The following GALK2 variants were observed in gnomAD, a reference collection of about 807,000 sequenced individuals.
GALK2 encodes galactokinase 2.
Under a neutral mutation model 52.4 loss-of-function variants are expected in GALK2, and 36 were observed. The ratio of observed to expected loss-of-function variants is 0.69; its 90% confidence interval spans 0.53 to 0.91. The LOEUF (loss-of-function observed/expected upper bound fraction) is 0.91. Ranked by LOEUF, GALK2 falls within the 40% of genes least tolerant of loss-of-function variation. The probability of loss-of-function intolerance (pLI) is 0.00; values close to 1 mark genes in which losing one functional copy is unlikely to be tolerated. For missense variants in GALK2, 579 were observed against 559.1 expected, an observed-to-expected ratio of 1.04 and a Z score of -0.36; for synonymous variants, 176 against 199.1, an observed-to-expected ratio of 0.88 and a Z score of 0.98.
At chr15:49,313,520 C>T (rs1051612108) in intron 8 of GALK2, among the ~76,000 whole-genome samples, 1 of 152,204 alleles carries the variant, frequency 6.6e-6, no homozygotes, top group Non-Finnish European at 1.5e-5. Context: ...ACTGGTCCTT[C>T]CCCAGCAAGC....
At chr15:49,273,126 C>T (rs2141700907) in intron 5 of GALK2, among the ~76,000 whole-genome samples, 1 of 152,268 alleles carries the variant, frequency 6.6e-6, no homozygotes, top group East Asian at 1.9e-4. Context: ...GCCCATTGAG[C>T]TTTTATAGGA....
chr15:49,338,626 G>C (rs1298379965), intron 3 of GALK2, among the ~76,000 whole-genome samples: 1 of 152,146 alleles, frequency 6.6e-6, no homozygotes, highest in Non-Finnish European at 1.5e-5. Context: ...TTTTTGAGGA[G>C]TATCTTTGTG....
At chr15:49,252,338 T>C (rs2091644643) in intron 5 of GALK2, among the ~76,000 whole-genome samples, 3 of 152,046 alleles carry the variant, frequency 2.0e-5, no homozygotes, top group Admixed American at 2.0e-4. Flanking sequence ...CTTAAAACCA[T>C]AAATTGGGAA....
intron 3 of GALK2, among the ~76,000 whole-genome samples, chr15:49,345,259 T>C (rs191324495): frequency 8.5e-5 from 13 of 152,342 alleles, no homozygotes; most frequent in African/African-American, 2.6e-4. Flanking sequence ...TTTGAACATA[T>C]GACTTTATTG....
chr15:49,272,841 C>T (rs772167382), intron 5 of GALK2, among the ~76,000 whole-genome samples: 3 of 152,164 alleles, frequency 2.0e-5, no homozygotes, highest in Non-Finnish European at 4.4e-5. Flanking sequence ...TTGCTCCAGC[C>T]TGATTGTTGA....
chr15:49,252,411 T>C (rs2091648959), intron 5 of GALK2, among the ~76,000 whole-genome samples: 1 of 152,230 alleles, frequency 6.6e-6, no homozygotes, highest in Non-Finnish European at 1.5e-5. Context: ...TGTTTTCTAA[T>C]ATACGGTCAT....
chr15:49,210,025 G>A lies in GALK2; in HGVS notation c.143-7165G>A, dbSNP rs533201250. 5.9e-5 allele frequency among the ~76,000 whole-genome samples: 9 copies of A among 152,212 alleles called. No individual in the cohort carries two copies. The South Asian group carries it at 6.2e-4, about 11-fold the overall frequency. On this transcript the variant is annotated intron_variant, in intron 2 of 9. Coordinates refer to ENST00000560031, the MANE Select transcript of GALK2 (RefSeq NM_002044.4). Reference sequence around the variant, plus strand: ...CAATCTTGTTACTTGTTATTGGTGCGTTCAGGTTTTCTATTTCTACCTGGT... The same window carrying A: ...CAATCTTGTTACTTGTTATTGGTGCATTCAGGTTTTCTATTTCTACCTGGT...
intron 5 of GALK2, among the ~76,000 whole-genome samples, chr15:49,266,505 T>G (rs1261150213): frequency 6.6e-6 from 1 of 152,224 alleles, no homozygotes; most frequent in Non-Finnish European, 1.5e-5. Context: ...CTGTTTTGCT[T>G]GTCTGTTTCA....
At chr15:49,258,790 ATATATGTGTGTGTGTG>A (rs1167662468) in intron 5 of GALK2, among the ~76,000 whole-genome samples, 7 of 115,474 alleles carry the variant, frequency 6.1e-5, no homozygotes, top group African/African-American at 1.5e-4. Flanking sequence ...ATATATATAT[ATATATGTGTGTGTGTG>A]TGTGTGTGTG....
downstream of GALK2, chr15:49,335,495 G>A: frequency 1.2e-6 from 2 of 1,611,752 alleles, no homozygotes; most frequent in South Asian, 1.1e-5. Flanking sequence ...GGAGCAGGTA[G>A]TGTGCTAGGC....
intron 7 of GALK2, among the ~76,000 whole-genome samples, chr15:49,290,177 T>A (rs2033798706): frequency 1.3e-5 from 2 of 152,214 alleles, no homozygotes; most frequent in Admixed American, 1.3e-4. Flanking sequence ...ACAATGGTGA[T>A]CTTATCCACC....
At chr15:49,321,397 G>T (rs1351249986) in intron 9 of GALK2, among the ~76,000 whole-genome samples, 1 of 152,150 alleles carries the variant, frequency 6.6e-6, no homozygotes, top group African/African-American at 2.4e-5. Context: ...GAAGGCTTCT[G>T]GCTTTGAGAA....
upstream of GALK2, chr15:49,169,061 T>G (rs2084920697): frequency 6.5e-6 from 1 of 153,472 alleles, no homozygotes; most frequent in Non-Finnish European, 1.5e-5. Context: ...CTATGCTTTA[T>G]TGTCCATTCA....
chr15:49,239,577 G>A (rs561163340), intron 5 of GALK2, among the ~76,000 whole-genome samples: 1 of 152,296 alleles, frequency 6.6e-6, no homozygotes, highest in Admixed American at 6.5e-5. Context: ...GTGAATAACT[G>A]TATAAAAATA....
chr15:49,353,414 C>T (rs1166727046), intron 3 of GALK2: 1 of 152,098 alleles, frequency 6.6e-6, no homozygotes, highest in Non-Finnish European at 1.5e-5. Context: ...ATCAATTCTC[C>T]ATCATATTTT....
intron 1 of GALK2, among the ~76,000 whole-genome samples, chr15:49,195,472 G>A (rs2087142304): frequency 6.6e-6 from 1 of 152,018 alleles, no homozygotes; most frequent in African/African-American, 2.4e-5. Flanking sequence ...AGTGTTTTTT[G>A]GTGCTAACAT....
At chr15:49,266,412 A>T (rs1406689248) in intron 5 of GALK2, among the ~76,000 whole-genome samples, 2 of 152,196 alleles carry the variant, frequency 1.3e-5, no homozygotes, top group African/African-American at 4.8e-5. Context: ...GTCATTTTGC[A>T]GTCTAATATA....
At chr15:49,155,906 C>T in exon 1 of GALK2, 3 of 1,412,152 alleles carry the variant, frequency 2.1e-6, no homozygotes, top group Non-Finnish European at 3.0e-6. Flanking sequence ...GGAGCAGTCT[C>T]CTCCCTTGCT....
intron 3 of GALK2, chr15:49,366,249 TAA>T: frequency 1.3e-6 from 1 of 786,456 alleles, no homozygotes; most frequent in African/African-American, 1.7e-5. Flanking sequence ...TTCATATCTA[TAA>T]AGTCTTTGTC....
Sources: allele counts gnomAD v4.1 joint callset (sites outside exome capture counted in the v4.1 genomes callset), GRCh38; gene constraint gnomAD v4.1.1; transcripts MANE v1.5; gene names NCBI Gene and HGNC (gene_info 2026-07-23, HGNC 2026-07-21).